KALRN: variants seen among roughly 807,000 people sequenced by gnomAD.
KALRN encodes kalirin.
Under a neutral mutation model 353.7 loss-of-function variants are expected in KALRN, and 70 were observed. The ratio of observed to expected loss-of-function variants is 0.20; its 90% CI spans 0.16 to 0.24. The LOEUF (loss-of-function observed/expected upper bound fraction) is 0.24. Ranked by LOEUF, KALRN falls within the 10% of genes least tolerant of loss-of-function variation. The probability of loss-of-function intolerance (pLI) is 1.00; values close to 1 mark genes in which losing one functional copy is unlikely to be tolerated. For synonymous variants in KALRN, 1,391 were observed against 1,434.8 expected (o/e 0.97, Z 0.69); for missense variants, 2,791 against 3,756.7 (o/e 0.74, Z 6.72).
chr3:124,251,355 C>CTTTT (rs57628448), intron 3 of KALRN, among the ~76,000 whole-genome samples: 16 of 133,630 alleles, frequency 1.2e-4, no homozygotes, highest in Admixed American at 2.3e-4. Flanking sequence ...CAAGTCTTTG[C>CTTTT]TTTTTTTTTT....
At chr3:124,464,262 C>T (rs923075766) in intron 25 of KALRN, among the ~76,000 whole-genome samples, 4 of 152,122 alleles carry the variant, frequency 2.6e-5, no homozygotes, top group South Asian at 2.1e-4. Context: ...TGACTAACTA[C>T]GGAAGCCTAG....
chr3:124,602,416 C>A (rs2076901651), intron 34 of KALRN, among the ~76,000 whole-genome samples: 1 of 152,190 alleles, frequency 6.6e-6, no homozygotes. Context: ...ATCTGGGGTG[C>A]TCCCATGAAG....
At chr3:124,287,866 A>G (rs1348617664) in intron 5 of KALRN, among the ~76,000 whole-genome samples, 1 of 125,710 alleles carries the variant, frequency 8.0e-6, no homozygotes, top group Non-Finnish European at 1.7e-5. Flanking sequence ...TGTATATTTA[A>G]TATATATATT....
At chr3:124,623,252 C>T (rs1411002762) in intron 34 of KALRN, among the ~76,000 whole-genome samples, 6 of 151,694 alleles carry the variant, frequency 4.0e-5, no homozygotes, top group African/African-American at 1.5e-4. Context: ...GCTGGGATTA[C>T]AATCCCAAAG....
Position 124,422,812 on chromosome 3 carries a change from G to A in KALRN, c.2543G>A (p.Gly848Glu), listed in dbSNP as rs1159456558. Residue 848 changes from glycine to glutamate, a missense_variant and splice_region_variant, in exon 15 of 60, where the codon GGA (glycine) becomes GAA (glutamate). Gly to Glu is a moderately conservative substitution (Grantham distance 98, BLOSUM62 -2). Coordinates refer to ENST00000682506, the MANE Select transcript of KALRN (RefSeq NM_001388419.1). ...ATTGTTTCCATTTTTTTAAAATCAG[G>A]AATTGAGTTGATCTGTGAAAAAGAC... ...HQYITEVQAS[G>E]IELICEKDID... The A allele has an allele frequency of 1.2e-6, 2 of 1,612,502 alleles. No individual in the cohort carries two copies. Among genetic ancestry groups the A allele is most frequent in the East Asian group, 2.2e-5 (1 of 44,856 alleles).
intron 34 of KALRN, among the ~76,000 whole-genome samples, chr3:124,596,769 C>T (rs1011873396): frequency 9.2e-5 from 14 of 152,258 alleles, no homozygotes; most frequent in African/African-American, 3.1e-4. Context: ...TACATAGGGT[C>T]GGGCACGGTG....
intron 32 of KALRN, among the ~76,000 whole-genome samples, chr3:124,495,998 TATATATATATATATACAC>T (rs1561137284): frequency 2.1e-4 from 11 of 51,518 alleles, no homozygotes; most frequent in South Asian, 6.9e-4. Context: ...TATATATATA[TATATATATATATATACAC>T]ACACATATAT....
chr3:124,312,159 C>T (rs2078333777), intron 6 of KALRN, among the ~76,000 whole-genome samples: 1 of 151,922 alleles, frequency 6.6e-6, no homozygotes, highest in South Asian at 2.1e-4. Flanking sequence ...TATTTCATTC[C>T]ATTTCATTTC....
chr3:124,620,928 G>A lies in KALRN; in HGVS notation c.5183-11492G>A, dbSNP rs561149604. Among the ~76,000 whole-genome samples the A allele has an allele frequency of 1.2e-4, 18 of 152,338 alleles. No individual in the cohort carries two copies. In the South Asian group the frequency reaches 3.1e-3, roughly 26 times the overall value. On this transcript the variant is annotated intron_variant, in intron 34 of 59. Transcript: ENST00000682506. ...ATGCCATCCTAACAGGAGCCAAAGC[G>A]TGGGGCCAGGGTCGTGGGGAGGACA...
At chr3:124,183,390 T>C (rs2073856998) in intron 1 of KALRN, among the ~76,000 whole-genome samples, 1 of 151,728 alleles carries the variant, frequency 6.6e-6, no homozygotes, top group South Asian at 2.1e-4. Flanking sequence ...ATGGTGAGAG[T>C]GGGAGCAAGA....
intron 41 of KALRN, among the ~76,000 whole-genome samples, 177 bp downstream of exon 41, chr3:124,657,980 C>T (rs139287601): frequency 2.0e-5 from 3 of 152,192 alleles, no homozygotes; most frequent in Non-Finnish European, 4.4e-5. Flanking sequence ...TAGTGAGGCC[C>T]CCATCTCTAC....
intron 34 of KALRN, among the ~76,000 whole-genome samples, chr3:124,576,631 C>A (rs568778103): frequency 6.6e-6 from 1 of 152,232 alleles, no homozygotes; most frequent in Admixed American, 6.5e-5. Flanking sequence ...GATGTACATC[C>A]TTTCTATTAT....
chr3:124,331,715 G>A (rs948369503), intron 8 of KALRN, among the ~76,000 whole-genome samples: 2 of 152,184 alleles, frequency 1.3e-5, no homozygotes, highest in African/African-American at 4.8e-5. Context: ...GAGTACAAAT[G>A]AGATTAATAT....
chr3:124,654,235 A>T (rs1476347994), intron 38 of KALRN, among the ~76,000 whole-genome samples: 1 of 152,210 alleles, frequency 6.6e-6, no homozygotes, highest in Non-Finnish European at 1.5e-5. Flanking sequence ...TGTGGCCTAA[A>T]ACACATGATT....
chr3:124,336,889 C>G (rs1322806489), intron 9 of KALRN, among the ~76,000 whole-genome samples: 2 of 152,032 alleles, frequency 1.3e-5, no homozygotes, highest in Non-Finnish European at 2.9e-5. Context: ...GTATTTTATT[C>G]TCTTTGTAGC....
intron 13 of KALRN, among the ~76,000 whole-genome samples, chr3:124,406,553 A>G (rs1003404640): frequency 2.6e-5 from 4 of 152,212 alleles, no homozygotes; most frequent in African/African-American, 9.6e-5. Flanking sequence ...TAATGATGTC[A>G]TAAAACAGAA....
At chr3:124,445,738 T>C (rs1345182987) in intron 19 of KALRN, among the ~76,000 whole-genome samples, 1 of 152,212 alleles carries the variant, frequency 6.6e-6, no homozygotes, top group Non-Finnish European at 1.5e-5. Context: ...ACTATAAATC[T>C]CCTGCCTCTC....
intron 1 of KALRN, chr3:124,099,389 A>T (rs532042684): frequency 6.6e-6 from 1 of 152,130 alleles, no homozygotes; most frequent in Non-Finnish European, 1.5e-5. Context: ...AAATGACAGG[A>T]TTTCCTTTTT....
chr3:124,368,023 C>T (rs1576344666), intron 10 of KALRN, among the ~76,000 whole-genome samples: 1 of 37,070 alleles, frequency 2.7e-5, no homozygotes, highest in African/African-American at 1.3e-4. Context: ...CCGGACGGGG[C>T]GGCTGGCCGG....
Sources: gnomAD v4.1 joint callset for allele counts (sites outside exome capture counted in the v4.1 genomes callset) on GRCh38, gnomAD v4.1.1 for gene constraint, MANE v1.5 for transcripts, NCBI Gene and HGNC (gene_info 2026-07-23, HGNC 2026-07-21) for gene names.